Variants in BCAM observed in about 807,000 individuals in gnomAD.
BCAM encodes basal cell adhesion molecule (Lutheran blood group).
A neutral mutation model predicts 72.4 loss-of-function variants in BCAM; 61 were observed. The observed-to-expected ratio is 0.84, with a 90% confidence interval of 0.69 to 1.04. BCAM has a LOEUF of 1.04. Among genes scored for constraint, BCAM ranks in the 50% least tolerant of loss-of-function variants. The pLI is 0.00. For synonymous variants in BCAM, 408 were observed against 384.2 expected (o/e 1.06, Z -0.73); for missense variants, 909 against 895.0 (o/e 1.02, Z -0.20).
Position 44,821,128 on chromosome 19 carries a change from G to T in BCAM, c.*207G>T. On this transcript the variant is annotated 3_prime_UTR_variant, in exon 15 of 15. Coordinates refer to ENST00000270233, the MANE Select transcript of BCAM (RefSeq NM_005581.5). ...AAGGAGAGGGAGGGTGGGTGGGTGG[G>T]AGGGGGCCTTCCTCCAGGGAATGTG... 3 of 523,718 alleles carry T rather than the reference G, an allele frequency of 5.7e-6. No individual in the cohort carries two copies. The highest frequency in any genetic ancestry group is 6.2e-6 in the Non-Finnish European group (2 of 321,200). 32.4% of individuals were successfully genotyped at this position (523,718 alleles called of 1,614,324 possible).
chr19:44,820,685 C>G lies in BCAM; in HGVS notation c.1764-20C>G, dbSNP rs1252495184. On this transcript the variant is annotated intron_variant, in intron 13 of 14. Coordinates refer to ENST00000270233, the MANE Select transcript of BCAM (RefSeq NM_005581.5). Reference sequence around the variant, plus strand: ...TGCACCTCCAACACGACGCCTCCGCCCGCTGCCTCCTCCCCCCAGGCCGCC... The same window carrying G: ...TGCACCTCCAACACGACGCCTCCGCGCGCTGCCTCCTCCCCCCAGGCCGCC... 1 of 1,403,658 alleles carries G rather than the reference C, an allele frequency of 7.1e-7. No individual in the cohort carries two copies. The highest frequency in any genetic ancestry group is 2.7e-5 in the East Asian group (1 of 36,808). 87.0% of individuals were successfully genotyped at this position (1,403,658 alleles called of 1,614,324 possible).
Position 44,814,861 on chromosome 19 carries a change from C to T in BCAM, c.1078+101C>T. Reference sequence around the variant, plus strand: ...TGAAGTTGCTCTGTCATCCCAAACACTCTGCCTTCAACCCTTTCTCTGCAT... The same window carrying T: ...TGAAGTTGCTCTGTCATCCCAAACATTCTGCCTTCAACCCTTTCTCTGCAT... On this transcript the variant is annotated intron_variant, in intron 8 of 14. Coordinates refer to ENST00000270233, the MANE Select transcript of BCAM (RefSeq NM_005581.5). This position sits in a 1 kb window ranked among gnomAD's most constrained non-coding sequence, Gnocchi z 4.6. The T allele has an allele frequency of 1.6e-6, 2 of 1,249,934 alleles. No homozygotes were observed. The highest frequency in any genetic ancestry group is 2.1e-6 in the Non-Finnish European group (2 of 951,234). The allele number at this position is 1,249,934 out of a possible 1,614,324, so 77.4% of individuals were successfully genotyped here. A position where few individuals can be genotyped will look rare whatever the true frequency, so the allele number is the denominator to read the frequency against.
At position 44,813,496 on chromosome 19, in the gene BCAM, C is replaced by T. The variant is rs1278067008; in HGVS notation, c.660C>T (p.Ser220=). The T allele has an allele frequency of 6.2e-7, 1 of 1,612,690 alleles. No homozygotes were observed. Among genetic ancestry groups the T allele is most frequent in the Non-Finnish European group, 8.5e-7 (1 of 1,179,908 alleles). The part of the protein sequence containing the change: ...REASGLLSLT[S]TLYLRLRKDD... ...CCTCGGGCCTGCTCTCCCTCACCAG[C>T]ACCCTCTACCTGCGGCTCCGCAAGG... The change falls in exon 6 of 15, where the codon AGC becomes AGT. Residue 220 remains serine, a synonymous_variant. Coordinates refer to ENST00000270233, the MANE Select transcript of BCAM (RefSeq NM_005581.5). The surrounding 1 kb of genome is among the most constrained non-coding windows in gnomAD (Gnocchi z 4.2).
In BCAM at chr19:44,813,066, A is replaced by G. The variant is rs1375822900; in HGVS notation, c.505-184A>G. On this transcript the variant is annotated intron_variant, in intron 4 of 14. Coordinates refer to ENST00000270233, the MANE Select transcript of BCAM (RefSeq NM_005581.5). This position sits in a 1 kb window ranked among gnomAD's most constrained non-coding sequence, Gnocchi z 4.2. ...ACCCAGAATCCTTGGTCCCTGGAGGATGGTGCTGGAGGCCTGGACTCTTTA... is the reference window on the plus strand; with the variant it reads ...ACCCAGAATCCTTGGTCCCTGGAGGGTGGTGCTGGAGGCCTGGACTCTTTA... The G allele has an allele frequency of 1.4e-5, 9 of 631,286 alleles. No individual in the cohort carries two copies. Among genetic ancestry groups the G allele is most frequent in the Non-Finnish European group, 2.4e-5 (9 of 370,482 alleles). The allele number at this position is 631,286 out of a possible 1,614,324, so 39.1% of individuals were successfully genotyped here.
chr19:44,821,117 TGGGTGGGTGGGAGGGG>T lies in BCAM; in HGVS notation c.*198_*213del, dbSNP rs946282419. ...CTCCGGGAGGGAAGGAGAGGGAGGG[TGGGTGGGTGGGAGGGG>T]GCCTTCCTCCAGGGAATGTGACTCT... On this transcript the variant is annotated 3_prime_UTR_variant, in exon 15 of 15. Transcript: ENST00000270233. 3.1e-4 allele frequency: 95 copies of T among 307,114 alleles called. 1 individual carries two copies. Among genetic ancestry groups the T allele is most frequent in the African/African-American group, 1.8e-3 (47 of 26,698 alleles). 19.0% of individuals were successfully genotyped at this position (307,114 alleles called of 1,614,324 possible).
Position 44,814,908 on chromosome 19 carries a change from G to GTTTTTTT in BCAM, c.1078+161_1078+167dup. The GTTTTTTT allele has an allele frequency of 5.8e-6, 3 of 518,390 alleles. No homozygotes were observed. The highest frequency in any genetic ancestry group is 8.4e-6 in the Non-Finnish European group (3 of 357,448). The allele number at this position is 518,390 out of a possible 1,614,324, so 32.1% of individuals were successfully genotyped here. ...GCATTTCTTGGGGGTTTTTTTGGTT[G>GTTTTTTT]TTTTTTTTTTTTTTTTTTTCCCAGA... On this transcript the variant is annotated intron_variant, in intron 8 of 14. Coordinates refer to ENST00000270233, the MANE Select transcript of BCAM (RefSeq NM_005581.5). The surrounding 1 kb of genome is among the most constrained non-coding windows in gnomAD (Gnocchi z 4.6).
At position 44,812,237 on chromosome 19, in the gene BCAM, C is replaced by T. The variant is rs748918523; in HGVS notation, c.279C>T (p.His93=). The change falls in exon 3 of 15, where the codon CAC becomes CAT. Residue 93 remains histidine, a synonymous_variant. Transcript: ENST00000270233. The surrounding 1 kb of genome is among the most constrained non-coding windows in gnomAD (Gnocchi z 5.3). ...GCTCTGAGCTCCAGGTCACAATGCA[C>T]GACACCCGGGGCCGCAGTCCCCCAT... is the stretch of plus-strand genomic sequence containing the variant. ...MQGSELQVTM[H]DTRGRSPPYQ... 40 of 1,608,044 alleles carry T rather than the reference C, an allele frequency of 2.5e-5. No individual in the cohort carries two copies. The highest frequency in any genetic ancestry group is 1.0e-4 in the Admixed American group (6 of 57,916).
In BCAM at chr19:44,813,551, G is replaced by A. The variant is rs772105916; in HGVS notation, c.715G>A (p.Ala239Thr). The A allele has an allele frequency of 4.1e-5, 66 of 1,612,260 alleles. 1 individual carries two copies. Among genetic ancestry groups the A allele is most frequent in the Admixed American group, 6.7e-5 (4 of 59,978 alleles). The change falls in exon 6 of 15, where the codon GCC becomes ACC. Residue 239 changes from alanine to threonine, a missense_variant. Transcript: ENST00000270233. This position sits in a 1 kb window ranked among gnomAD's most constrained non-coding sequence, Gnocchi z 4.2. ...CCGAGACGCCAGCTTCCACTGCGCCGCCCACTACAGCCTGCCCGAGGGCCG... is the reference window on the plus strand; with the variant it reads ...CCGAGACGCCAGCTTCCACTGCGCCACCCACTACAGCCTGCCCGAGGGCCG... ...DDRDASFHCA[A>T]HYSLPEGRHG...
upstream of BCAM, chr19:44,809,062 T>C: frequency 8.1e-7 from 1 of 1,228,832 alleles, no homozygotes; most frequent in Non-Finnish European, 1.0e-6. Context: ...GCGGGGCCTC[T>C]GGCTCCCAGC....
chr19:44,813,445 C>T lies in BCAM; in HGVS notation c.609C>T (p.Tyr203=), dbSNP rs1238536356. The part of the protein sequence containing the change: ...EVPVEMNPEG[Y]MTSRTVREAS... ...TCCCCCGATCTCTCCCAGAGGGCTA[C>T]ATGACCAGCCGCACGGTCCGGGAGG... The change falls in exon 6 of 15, where the codon TAC becomes TAT. Residue 203 remains tyrosine (Y), a synonymous_variant. Transcript: ENST00000270233. The surrounding 1 kb of genome is among the most constrained non-coding windows in gnomAD (Gnocchi z 4.2). The T allele has an allele frequency of 6.2e-7, 1 of 1,610,884 alleles. No homozygotes were observed. Among genetic ancestry groups the T allele is most frequent in the African/African-American group, 1.3e-5 (1 of 75,028 alleles).
At position 44,819,726 on chromosome 19, in the gene BCAM, C is replaced by T. The variant is rs774225592; in HGVS notation, c.1763C>T (p.Pro588Leu). 2.3e-5 allele frequency: 36 copies of T among 1,597,122 alleles called. 1 individual carries two copies. The highest frequency in any genetic ancestry group is 4.5e-5 in the South Asian group (4 of 89,396). Reference protein sequence around the residue: ...CCRQRREKGAPPPGEPGLSHS... With the variant: ...CCRQRREKGALPPGEPGLSHS... ...CGCCAGCGGCGGGAGAAGGGGGCTC[C>T]GTGAGTGGCCTGCTATCTGCAATGA... The change falls in exon 13 of 15, where the codon CCG becomes CTG. Residue 588 changes from proline to leucine, a missense_variant and splice_region_variant. By Grantham distance (98) the Pro-to-Leu change is moderately conservative. Coordinates refer to ENST00000270233, the MANE Select transcript of BCAM (RefSeq NM_005581.5).
In BCAM at chr19:44,812,050, A is replaced by C; in HGVS notation, c.205-113A>C. ...AGGGACAGAGGGACCAGGGAGACCC[A>C]TAACAAGAGGAAAAGAGGCAGAGCC... On this transcript the variant is annotated intron_variant, in intron 2 of 14. Coordinates refer to ENST00000270233, the MANE Select transcript of BCAM (RefSeq NM_005581.5). The surrounding 1 kb of genome is among the most constrained non-coding windows in gnomAD (Gnocchi z 5.3). 1 of 1,042,308 alleles carries C rather than the reference A, an allele frequency of 9.6e-7. No individual in the cohort carries two copies. Among genetic ancestry groups the C allele is most frequent in the South Asian group, 1.4e-5 (1 of 69,172 alleles). 64.6% of individuals were successfully genotyped at this position (1,042,308 alleles called of 1,614,324 possible). A position where few individuals can be genotyped will look rare whatever the true frequency, so the allele number is the denominator to read the frequency against.
intron 13 of BCAM, chr19:44,820,126 T>A: frequency 1.0e-6 from 1 of 996,316 alleles, no homozygotes; most frequent in Non-Finnish European, 1.2e-6. Context: ...CTTCAAACCA[T>A]CCTCAACTAA....
rs758989604 is a variant in BCAM, at chr19:44,818,844, T to G, written c.1298T>G (p.Val433Gly). 32 of 1,613,944 alleles carry G rather than the reference T, an allele frequency of 2.0e-5. No homozygotes were observed. The highest frequency in any genetic ancestry group is 2.6e-5 in the Non-Finnish European group (31 of 1,179,994). The part of the protein sequence containing the change: ...VCEASLPTVP[V>G]LSRTQNFTLL... Reference sequence around the variant, plus strand: ...GAGGCCTCCCTGCCCACAGTCCCGGTCCTCAGCCGCACCCAGAACTTCACG... The same window carrying G: ...GAGGCCTCCCTGCCCACAGTCCCGGGCCTCAGCCGCACCCAGAACTTCACG... The change falls in exon 10 of 15, where the codon GTC becomes GGC. Residue 433 changes from valine to glycine, a missense_variant. Transcript: ENST00000270233. The surrounding 1 kb of genome is among the most constrained non-coding windows in gnomAD (Gnocchi z 4.6).
rs780282816 is a variant in BCAM, at chr19:44,809,132, C to T, written c.8C>T (p.Pro3Leu). The change falls in exon 1 of 15, where the codon CCC becomes CTC. Residue 3 changes from proline (P) to leucine (L), a missense_variant. By Grantham distance (98) the Pro-to-Leu change is moderately conservative (BLOSUM62 -3). Transcript: ENST00000270233. ME[P>L]PDAPAQARGA... ...TCCGCCGCCGCCGTGAACATGGAGC[C>T]CCCGGACGCACCGGCCCAGGCGCGC... 2.7e-6 allele frequency: 4 copies of T among 1,458,698 alleles called. No individual in the cohort carries two copies. Among genetic ancestry groups the T allele is most frequent in the South Asian group, 1.3e-5 (1 of 76,268 alleles). The allele number at this position is 1,458,698 out of a possible 1,614,324, so 90.4% of individuals were successfully genotyped here.
At chr19:44,810,949 G>A (rs987813964) in intron 1 of BCAM, among the ~76,000 whole-genome samples, 4 of 151,674 alleles carry the variant, frequency 2.6e-5, no homozygotes, top group African/African-American at 9.7e-5. Flanking sequence ...GGAGGGGCTG[G>A]GGCCTGGACT....
chr19:44,820,878 C>A, intron 14 of BCAM, 38 bp from the exon 15 acceptor site: 1 of 1,554,250 alleles, frequency 6.4e-7, no homozygotes, highest in Non-Finnish European at 8.7e-7. Flanking sequence ...GTGGAGCACG[C>A]CCGTGGGCAC....
In BCAM at chr19:44,814,168, G is replaced by A; in HGVS notation, c.801G>A (p.Val267=). The A allele has an allele frequency of 6.3e-7, 1 of 1,586,072 alleles. No individual in the cohort carries two copies. The highest frequency in any genetic ancestry group is 8.5e-7 in the Non-Finnish European group (1 of 1,172,562). ...TTCCCTTAGATCCCACGGAGCACGT[G>A]CAGTTCTGGGTGGGCAGCCCGTCCA... is the stretch of plus-strand genomic sequence containing the variant. ...HLTLHYPTEH[V]QFWVGSPSTP... The change falls in exon 7 of 15, where the codon GTG becomes GTA. Residue 267 remains valine (V), a synonymous_variant. Coordinates refer to ENST00000270233, the MANE Select transcript of BCAM (RefSeq NM_005581.5). This position sits in a 1 kb window ranked among gnomAD's most constrained non-coding sequence, Gnocchi z 4.6.
chr19:44,814,673 C>T lies in BCAM; in HGVS notation c.991C>T (p.Gln331Ter). 6.2e-7 allele frequency: 1 copy of T among 1,614,088 alleles called. No individual in the cohort carries two copies. The highest frequency in any genetic ancestry group is 8.5e-7 in the Non-Finnish European group (1 of 1,180,022). ...NLTLEGVTRG[Q>*]SGTYGCRVED... ...GACCCTGGAGGGAGTGACCCGGGGC[C>T]AGAGCGGGACCTATGGCTGCAGAGT... Residue 331 changes from glutamine (Q) to a stop codon, truncating the protein, a stop_gained, in exon 8 of 15, where the codon CAG becomes TAG. Coordinates refer to ENST00000270233, the MANE Select transcript of BCAM (RefSeq NM_005581.5). LOFTEE classifies it high-confidence loss of function. This position sits in a 1 kb window ranked among gnomAD's most constrained non-coding sequence, Gnocchi z 4.6.
Sources: gnomAD v4.1 joint callset for allele counts (sites outside exome capture counted in the v4.1 genomes callset) on GRCh38, gnomAD v4.1.1 for gene constraint, Gnocchi (gnomAD v3.1) non-coding constraint, MANE v1.5 for transcripts, NCBI Gene and HGNC (gene_info 2026-07-23, HGNC 2026-07-21) for gene names.